COL4A4: variants seen among roughly 807,000 people sequenced by gnomAD.
The protein encoded by COL4A4 is collagen type IV alpha 4 chain, also known as collagen alpha-4(IV) chain.
In COL4A4, 105 loss-of-function variants were observed where a neutral mutation model predicts 192.9. The observed-to-expected ratio is 0.54, with a 90% CI of 0.46 to 0.64. COL4A4 has a LOEUF of 0.64. COL4A4 is among the 30% of genes least tolerant of loss of function. The probability of loss-of-function intolerance (pLI) is 0.00; values close to 1 mark genes in which losing one functional copy is unlikely to be tolerated. For missense variants in COL4A4, 1,967 were observed against 2,169.3 expected (o/e 0.91, Z 1.85); for synonymous variants, 762 against 769.9 (o/e 0.99, Z 0.17).
intron 2 of COL4A4, 68 bp downstream of exon 2, chr2:227,147,345 C>T (rs766697473): frequency 1.4e-6 from 2 of 1,446,544 alleles, no homozygotes; most frequent in Admixed American, 1.7e-5. Flanking sequence ...AGACGGTTTA[C>T]ATCCATAGAA....
chr2:226,971,090 T>C, the COL4A4 span, among the ~76,000 whole-genome samples: 1 of 152,074 alleles, frequency 6.6e-6, no homozygotes, highest in Non-Finnish European at 1.5e-5. Flanking sequence ...TCTGTTTCAT[T>C]TTGGAACCAA....
chr2:227,117,748 G>A (rs892628936), intron 7 of COL4A4, among the ~76,000 whole-genome samples: 1 of 151,972 alleles, frequency 6.6e-6, no homozygotes, highest in Non-Finnish European at 1.5e-5. Context: ...GGGAATATGG[G>A]GGGTAGCTCT....
chr2:227,082,299 T>C, intron 22 of COL4A4, 112 bp from the exon 23 acceptor site: 2 of 1,020,464 alleles, frequency 2.0e-6, no homozygotes, highest in Admixed American at 1.7e-5. Context: ...TTAAAGATTC[T>C]AGCTTGGCAT....
Position 227,030,531 on chromosome 2 carries a change from A to G in COL4A4, c.3885T>C (p.Gly1295=), listed in dbSNP as rs199839937. ...CAGGGGGACCTGGTGGCCCTGGTAG[A>G]CCACAGTCACCTGGCTCCCCTCTCA... ...DLLRGEPGDC[G]LPGPPGPPGP... is the part of the protein sequence containing the mutation. The change falls in exon 41 of 48, where the codon GGT becomes GGC. Residue 1295 remains glycine (G), a synonymous_variant. Transcript: ENST00000396625. 1.7e-4 allele frequency: 280 copies of G among 1,614,100 alleles called. No individual in the cohort carries two copies. The highest frequency in any genetic ancestry group is 6.6e-4 in the Middle Eastern group (4 of 6,062).
In COL4A4 at chr2:227,092,522, T is replaced by A. The variant is rs373112762; in HGVS notation, c.1369+1603A>T. Among the ~76,000 whole-genome samples, 12 of 152,282 alleles carry A rather than the reference T, an allele frequency of 7.9e-5. No homozygotes were observed. The East Asian group carries it at 2.1e-3, about 27-fold the overall frequency. ...CAACTCAAAAAGCTGCAGGAGAGAT[T>A]TATTCAAAGAGCTAATACTAATAGA... On this transcript the variant is annotated intron_variant, in intron 20 of 47. Transcript: ENST00000396625.
At chr2:227,057,768 T>G (rs1332739793) in intron 28 of COL4A4, among the ~76,000 whole-genome samples, 168 bp from the exon 29 acceptor site, 1 of 152,258 alleles carries the variant, frequency 6.6e-6, no homozygotes, top group African/African-American at 2.4e-5. Flanking sequence ...TGTAATGAGT[T>G]CCTTATGAAC....
chr2:227,125,311 G>A (rs184235522), intron 4 of COL4A4, among the ~76,000 whole-genome samples: 2 of 151,712 alleles, frequency 1.3e-5, no homozygotes, highest in Admixed American at 6.6e-5. Flanking sequence ...AGATTCAAGC[G>A]ATTCTACTGC....
the COL4A4 span, chr2:226,988,688 T>C: frequency 2.0e-6 from 2 of 979,046 alleles, no homozygotes; most frequent in Non-Finnish European, 2.4e-6. Context: ...TTTCATACTT[T>C]TTCTATCATT....
chr2:227,141,534 C>T (rs532869803), intron 3 of COL4A4, among the ~76,000 whole-genome samples: 37 of 152,116 alleles, frequency 2.4e-4, no homozygotes, highest in Non-Finnish European at 3.5e-4. Flanking sequence ...TCTTTTCACT[C>T]GCACAGTTTA....
At chr2:226,969,660 A>G in the COL4A4 span, among the ~76,000 whole-genome samples, 1 of 152,278 alleles carries the variant, frequency 6.6e-6, no homozygotes, top group South Asian at 2.1e-4. Flanking sequence ...TACAAACCAA[A>G]CAAATCTCCC....
the COL4A4 span, among the ~76,000 whole-genome samples, chr2:226,989,056 A>G: frequency 6.6e-6 from 1 of 152,256 alleles, no homozygotes; most frequent in African/African-American, 2.4e-5. Context: ...GGGCTGAGGA[A>G]GACAACTGGA....
At chr2:227,013,623 C>T (rs73992396) in intron 44 of COL4A4, among the ~76,000 whole-genome samples, 3,388 of 152,308 alleles carry the variant, frequency 0.022, 124 homozygotes, top group African/African-American at 0.077. Context: ...CCTGTTGTGG[C>T]TCCTTGATCT....
At chr2:227,041,510 G>T (rs996153279) in intron 37 of COL4A4, among the ~76,000 whole-genome samples, 6 of 151,372 alleles carry the variant, frequency 4.0e-5, no homozygotes, top group Admixed American at 3.3e-4. Flanking sequence ...GCATGGTGAT[G>T]TGCACCTGTA....
chr2:227,051,043 G>A lies in COL4A4; in HGVS notation c.3084C>T (p.Pro1028=), dbSNP rs1340973445. The A allele has an allele frequency of 6.2e-7, 1 of 1,614,170 alleles. No individual in the cohort carries two copies. Among genetic ancestry groups the A allele is most frequent in the Non-Finnish European group, 8.5e-7 (1 of 1,180,032 alleles). Residue 1028 remains proline, a synonymous_variant, in exon 33 of 48, where the codon CCC becomes CCT. Coordinates refer to ENST00000396625, the MANE Select transcript of COL4A4 (RefSeq NM_000092.5). ...GEKGQPGPPG[P]PGPPGSTGLR... ...GACCAGTTGAGCCTGGAGGGCCTGG[G>A]GGTCCAGGAGGCCCTGGCTGACCTT... is the stretch of plus-strand genomic sequence containing the variant.
chr2:227,133,654 C>T (rs939113984), intron 4 of COL4A4, among the ~76,000 whole-genome samples: 2 of 152,020 alleles, frequency 1.3e-5, no homozygotes, highest in East Asian at 1.9e-4. Flanking sequence ...CAGTTTGGGA[C>T]GCTGAGGTTG....
chr2:227,092,662 G>C (rs746483932), intron 20 of COL4A4, among the ~76,000 whole-genome samples: 7 of 152,142 alleles, frequency 4.6e-5, no homozygotes, highest in Non-Finnish European at 2.9e-5. Context: ...CAAGACAATT[G>C]ACAAGATGTT....
chr2:227,158,286 C>T (rs1450589568), intron 1 of COL4A4, among the ~76,000 whole-genome samples: 1 of 151,902 alleles, frequency 6.6e-6, no homozygotes, highest in Non-Finnish European at 1.5e-5. Context: ...TGGATATTCA[C>T]ATGGAAAAAA....
At chr2:227,135,306 G>GGTAA (rs1343235744) in intron 4 of COL4A4, among the ~76,000 whole-genome samples, 4 of 152,140 alleles carry the variant, frequency 2.6e-5, no homozygotes, top group African/African-American at 9.7e-5. Context: ...AGATCAAGGA[G>GGTAA]GTAAGCTCCA....
At chr2:227,149,060 G>A (rs1018790777) in intron 1 of COL4A4, among the ~76,000 whole-genome samples, 1 of 151,768 alleles carries the variant, frequency 6.6e-6, no homozygotes, top group Admixed American at 6.6e-5. Flanking sequence ...TGTTGGCCAG[G>A]CTGGTCTTGA....
Sources: allele counts gnomAD v4.1 joint callset (sites outside exome capture counted in the v4.1 genomes callset), GRCh38; gene constraint gnomAD v4.1.1; transcripts MANE v1.5; gene names NCBI Gene and HGNC (gene_info 2026-07-23, HGNC 2026-07-21).